Variants in PTPRR observed in about 807,000 individuals in gnomAD.
PTPRR encodes the protein protein tyrosine phosphatase receptor type R, also known as receptor-type tyrosine-protein phosphatase R.
PTPRR carries 38 observed loss-of-function variants against 77.2 expected under a neutral mutation model. That is an observed-to-expected ratio of 0.49 (90% confidence interval 0.38 to 0.65). The LOEUF is 0.65. Among genes scored for constraint, PTPRR ranks in the 30% least tolerant of loss-of-function variants. The pLI, the probability that PTPRR is intolerant of heterozygous loss-of-function variation, is 0.00. For missense variants in PTPRR, 744 were observed against 799.2 expected, an observed-to-expected ratio of 0.93 and a Z score of 0.83; for synonymous variants, 299 against 283.1, an observed-to-expected ratio of 1.06 and a Z score of -0.57.
intron 2 of PTPRR, among the ~76,000 whole-genome samples, chr12:70,768,857 A>G (rs1307374611): frequency 7.3e-5 from 11 of 151,626 alleles, no homozygotes; most frequent in Admixed American, 7.2e-4. Flanking sequence ...GGTTCAATAT[A>G]TGCAAATCAA....
intron 2 of PTPRR, among the ~76,000 whole-genome samples, chr12:70,887,458 AATT>A (rs1210898859): frequency 6.6e-6 from 1 of 151,746 alleles, no homozygotes; most frequent in African/African-American, 2.4e-5. Context: ...TCCAAAAAAA[AATT>A]AAGTAATAAG....
At chr12:70,784,730 A>AT (rs1280901310) in intron 2 of PTPRR, among the ~76,000 whole-genome samples, 1 of 152,258 alleles carries the variant, frequency 6.6e-6, no homozygotes, top group Non-Finnish European at 1.5e-5. Flanking sequence ...CTGCACATCA[A>AT]TGTTGAAAAT....
At chr12:70,732,266 G>A (rs1889687536) in intron 6 of PTPRR, among the ~76,000 whole-genome samples, 1 of 152,178 alleles carries the variant, frequency 6.6e-6, no homozygotes, top group South Asian at 2.1e-4. Context: ...AGTAGACTAA[G>A]GATTCTGTCA....
chr12:70,868,592 C>T (rs1473380631), intron 2 of PTPRR, among the ~76,000 whole-genome samples: 1 of 152,056 alleles, frequency 6.6e-6, no homozygotes, highest in African/African-American at 2.4e-5. Flanking sequence ...GTTGGTGGGA[C>T]TGTAAACTAG....
intron 3 of PTPRR, among the ~76,000 whole-genome samples, chr12:70,764,172 G>T (rs1890758218): frequency 6.6e-6 from 1 of 151,868 alleles, no homozygotes; most frequent in Non-Finnish European, 1.5e-5. Flanking sequence ...AATGTCCATT[G>T]TTCTACTGAT....
intron 2 of PTPRR, among the ~76,000 whole-genome samples, chr12:70,850,315 T>G (rs926231019): frequency 6.6e-6 from 1 of 151,610 alleles, no homozygotes; most frequent in African/African-American, 2.4e-5. Flanking sequence ...GCTGAGATCA[T>G]GCCACTGCAC....
chr12:70,887,573 G>C (rs1893262354), intron 2 of PTPRR, among the ~76,000 whole-genome samples: 1 of 152,098 alleles, frequency 6.6e-6, no homozygotes. Context: ...TCTGTTATTT[G>C]ACATTTATTT....
chr12:70,849,862 CAAGT>C (rs1892544124), intron 2 of PTPRR, among the ~76,000 whole-genome samples: 1 of 152,004 alleles, frequency 6.6e-6, no homozygotes, highest in African/African-American at 2.4e-5. Flanking sequence ...CTTTCTTGGC[CAAGT>C]AAGAGCTGTT....
intron 2 of PTPRR, among the ~76,000 whole-genome samples, chr12:70,850,936 G>T (rs1351081218): frequency 1.3e-5 from 2 of 150,276 alleles, no homozygotes; most frequent in African/African-American, 2.4e-5. Flanking sequence ...TGTTTCTCCT[G>T]TTTTTTTTTC....
chr12:70,650,413 A>C (rs1242634840), intron 13 of PTPRR, among the ~76,000 whole-genome samples: 1 of 151,912 alleles, frequency 6.6e-6, no homozygotes, highest in Non-Finnish European at 1.5e-5. Context: ...GGTGACAAGA[A>C]AGAAATTCCA....
intron 2 of PTPRR, chr12:70,788,764 G>A (rs1006064109): frequency 5.8e-6 from 7 of 1,202,324 alleles, no homozygotes; most frequent in Non-Finnish European, 8.3e-6. Flanking sequence ...ACCCTCCTAA[G>A]CTCTTAACAT....
At chr12:70,871,588 T>C (rs1054617180) in intron 2 of PTPRR, among the ~76,000 whole-genome samples, 9 of 152,184 alleles carry the variant, frequency 5.9e-5, no homozygotes, top group Admixed American at 1.3e-4. Context: ...GCTGTAGAAA[T>C]GAATACTTTG....
At chr12:70,901,954 A>G (rs1344024269) in intron 1 of PTPRR, among the ~76,000 whole-genome samples, 1 of 151,822 alleles carries the variant, frequency 6.6e-6, no homozygotes, top group African/African-American at 2.4e-5. Context: ...TACAAACTCA[A>G]ACAAATCAGC....
intron 2 of PTPRR, among the ~76,000 whole-genome samples, chr12:70,865,273 ATTAC>A (rs1892823621): frequency 6.6e-6 from 1 of 152,230 alleles, no homozygotes; most frequent in Admixed American, 6.5e-5. Flanking sequence ...TTCTTTATAA[ATTAC>A]CCAGTCTCAG....
At chr12:70,771,122 T>G (rs1465949917) in intron 2 of PTPRR, among the ~76,000 whole-genome samples, 2 of 151,286 alleles carry the variant, frequency 1.3e-5, no homozygotes, top group Non-Finnish European at 2.9e-5. Context: ...ACCTGCACAT[T>G]GTGCACATGT....
intron 2 of PTPRR, among the ~76,000 whole-genome samples, chr12:70,808,002 G>A (rs1319280685): frequency 1.3e-5 from 2 of 152,146 alleles, no homozygotes; most frequent in African/African-American, 2.4e-5. Flanking sequence ...TACTGAAAAC[G>A]GGTAAGAGAA....
intron 2 of PTPRR, among the ~76,000 whole-genome samples, chr12:70,820,412 C>T (rs1891985182): frequency 6.6e-6 from 1 of 152,062 alleles, no homozygotes; most frequent in East Asian, 1.9e-4. Context: ...CGGCTCACTG[C>T]AAGCTCCGCT....
chr12:70,791,736 T>C (rs1161854000), intron 2 of PTPRR, among the ~76,000 whole-genome samples: 1 of 152,178 alleles, frequency 6.6e-6, no homozygotes, highest in African/African-American at 2.4e-5. Flanking sequence ...ACTACATAAA[T>C]ATGTTAAAGT....
intron 2 of PTPRR, among the ~76,000 whole-genome samples, chr12:70,831,001 G>T (rs938240482): frequency 9.9e-5 from 15 of 151,938 alleles, no homozygotes; most frequent in African/African-American, 3.4e-4. Flanking sequence ...ACTCTTAAAA[G>T]ACTTTATTGT....
Sources: allele counts gnomAD v4.1 joint callset (sites outside exome capture counted in the v4.1 genomes callset), GRCh38; gene constraint gnomAD v4.1.1; transcripts MANE v1.5; gene names NCBI Gene and HGNC (gene_info 2026-07-23, HGNC 2026-07-21).